Variants in CNKSR2 observed in about 807,000 individuals in gnomAD.
CNKSR2 encodes connector enhancer of kinase suppressor of Ras 2.
In CNKSR2, 14 loss-of-function variants were observed where a neutral mutation model predicts 84.4. That is an observed-to-expected ratio of 0.17 (90% CI 0.11 to 0.26). The LOEUF (loss-of-function observed/expected upper bound fraction) is 0.26. Ranked by LOEUF, CNKSR2 falls within the 10% of genes least tolerant of loss-of-function variation. The pLI, the probability that CNKSR2 is intolerant of heterozygous loss-of-function variation, is 1.00. For missense variants in CNKSR2, 485 were observed against 771.2 expected, an observed-to-expected ratio of 0.63 and a Z score of 4.40; for synonymous variants, 275 against 277.9, an observed-to-expected ratio of 0.99 and a Z score of 0.10.
chrX:21,446,149 AC>A (rs1158275651), intron 4 of CNKSR2, among the ~76,000 whole-genome samples: 1 of 111,382 alleles, frequency 9.0e-6, no homozygotes, highest in Non-Finnish European at 1.9e-5. Context: ...TCAGCCTTTT[AC>A]TTTAATTATA....
intron 20 of CNKSR2, among the ~76,000 whole-genome samples, chrX:21,618,196 A>T (rs1000261529): frequency 4.5e-5 from 5 of 111,308 alleles, no homozygotes; most frequent in African/African-American, 1.6e-4. Context: ...GTTATAAAAC[A>T]CTGAACTTTC....
chrX:21,463,895 A>T (rs1601822310), intron 4 of CNKSR2, among the ~76,000 whole-genome samples: 1 of 111,529 alleles, frequency 9.0e-6, no homozygotes, highest in South Asian at 3.8e-4. Flanking sequence ...CTTTGGAGCC[A>T]CGAGCTATGC....
intron 5 of CNKSR2, among the ~76,000 whole-genome samples, chrX:21,486,929 A>G (rs1171662852): frequency 1.8e-5 from 2 of 111,776 alleles, no homozygotes; most frequent in African/African-American, 6.5e-5. Context: ...TGATGCAGTA[A>G]TGAGTATAGA....
intron 13 of CNKSR2, among the ~76,000 whole-genome samples, chrX:21,574,700 G>A (rs1203182839): frequency 5.4e-5 from 6 of 111,202 alleles, no homozygotes; most frequent in African/African-American, 2.0e-4. Context: ...TTTGGGTGGG[G>A]GCACAGCCAA....
rs752175873 is a variant in CNKSR2, at chrX:21,501,750, C to T, written c.810+162C>T. Among the ~76,000 whole-genome samples the T allele has an allele frequency of 1.7e-4, 19 of 110,274 alleles. No individual in the cohort carries two copies. In the South Asian group the frequency reaches 6.5e-3, roughly 38 times the overall value. On this transcript the variant is annotated intron_variant, in intron 8 of 21. Transcript: ENST00000379510. ...TATTCTTCTTAATTATTTGATGGAACGTAAAGCATTTTTTTAAAAGAACCT... is the reference window on the plus strand; with the variant it reads ...TATTCTTCTTAATTATTTGATGGAATGTAAAGCATTTTTTTAAAAGAACCT...
chrX:21,396,157 G>C (rs1346127011), intron 1 of CNKSR2, among the ~76,000 whole-genome samples: 2 of 111,117 alleles, frequency 1.8e-5, no homozygotes, highest in Admixed American at 1.9e-4. Context: ...TATTCACACT[G>C]TCTTCTCTGC....
intron 9 of CNKSR2, among the ~76,000 whole-genome samples, chrX:21,523,730 A>G (rs1437255367): frequency 9.0e-6 from 1 of 110,693 alleles, no homozygotes; most frequent in African/African-American, 3.3e-5. Flanking sequence ...TTAAATGGCT[A>G]TTGGTGATAG....
chrX:21,492,833 G>A (rs1207302950), intron 6 of CNKSR2: 2 of 112,035 alleles, frequency 1.8e-5, no homozygotes, highest in Non-Finnish European at 3.8e-5. Context: ...ACTCAGTCAC[G>A]TTTAAGTAAG....
chrX:21,649,196 AGAG>A (rs1354252968), intron 21 of CNKSR2, among the ~76,000 whole-genome samples, 169 bp downstream of exon 21: 1 of 111,708 alleles, frequency 9.0e-6, no homozygotes, highest in Non-Finnish European at 1.9e-5. Context: ...ATATTGGTAA[AGAG>A]GAGATCATCT....
chrX:21,638,088 ATACT>A (rs1035006483), intron 20 of CNKSR2, among the ~76,000 whole-genome samples: 12 of 112,010 alleles, frequency 1.1e-4, no homozygotes, highest in African/African-American at 3.9e-4. Context: ...ACTGGCTTAA[ATACT>A]TACTTCCATT....
At chrX:21,410,878 G>T (rs1399304602) in intron 1 of CNKSR2, among the ~76,000 whole-genome samples, 2 of 108,295 alleles carry the variant, frequency 1.8e-5, no homozygotes, top group Non-Finnish European at 3.9e-5. Context: ...GTGGGCAAAT[G>T]TGTGTTTGTG....
intron 4 of CNKSR2, among the ~76,000 whole-genome samples, chrX:21,446,350 GGTGT>G (rs1197229468): frequency 9.0e-6 from 1 of 110,860 alleles, no homozygotes; most frequent in Admixed American, 9.6e-5. Context: ...TCTTCTCAAA[GGTGT>G]GTGTATGAGA....
chrX:21,421,287 G>GT (rs756375947), intron 1 of CNKSR2, among the ~76,000 whole-genome samples: 1,609 of 86,826 alleles, frequency 0.019, 18 homozygotes, highest in Non-Finnish European at 0.025. Context: ...ATTTAAGATG[G>GT]TTTTTTTTTT....
intron 13 of CNKSR2, among the ~76,000 whole-genome samples, chrX:21,589,459 A>G (rs2092407514): frequency 8.9e-6 from 1 of 112,208 alleles, no homozygotes; most frequent in Non-Finnish European, 1.9e-5. Flanking sequence ...AAAAAGAAGA[A>G]TCTGTAACCT....
At chrX:21,484,544 A>G (rs1366811516) in intron 5 of CNKSR2, among the ~76,000 whole-genome samples, 2 of 111,039 alleles carry the variant, frequency 1.8e-5, no homozygotes, top group African/African-American at 6.5e-5. Flanking sequence ...TCCTTAATTT[A>G]TCTTGATTTT....
At chrX:21,439,452 G>A (rs1214049226) in intron 3 of CNKSR2, among the ~76,000 whole-genome samples, 1 of 110,257 alleles carries the variant, frequency 9.1e-6, no homozygotes, top group Non-Finnish European at 1.9e-5. Context: ...AAATATATCA[G>A]AAGCACTGAA....
chrX:21,465,207 A>T, intron 4 of CNKSR2, among the ~76,000 whole-genome samples: 1 of 111,567 alleles, frequency 9.0e-6, no homozygotes, highest in Non-Finnish European at 1.9e-5. Context: ...TCTACCTTCT[A>T]TTTGTATTTG....
chrX:21,484,447 A>T (rs2091358110), intron 5 of CNKSR2, among the ~76,000 whole-genome samples: 1 of 112,228 alleles, frequency 8.9e-6, no homozygotes, highest in African/African-American at 3.2e-5. Context: ...CATGCTATTG[A>T]TAATAAGCCT....
At chrX:21,626,439 G>A (rs1438353047) in intron 20 of CNKSR2, among the ~76,000 whole-genome samples, 3 of 111,166 alleles carry the variant, frequency 2.7e-5, no homozygotes, top group African/African-American at 9.8e-5. Flanking sequence ...ATGATAGAGA[G>A]CTTCGGTAGG....
Sources: allele counts gnomAD v4.1 joint callset (sites outside exome capture counted in the v4.1 genomes callset), GRCh38; gene constraint gnomAD v4.1.1; transcripts MANE v1.5; gene names NCBI Gene and HGNC (gene_info 2026-07-23, HGNC 2026-07-21).